Variants in EDRF1 observed in about 807,000 individuals in gnomAD.
The protein encoded by EDRF1 is erythroid differentiation regulatory factor 1, also known as erythroid differentiation-related factor 1.
EDRF1 carries 69 observed loss-of-function variants against 148.7 expected under a neutral mutation model. The ratio of observed to expected loss-of-function variants is 0.46; its 90% CI spans 0.38 to 0.57. The LOEUF (loss-of-function observed/expected upper bound fraction) is 0.57. Ranked by LOEUF, EDRF1 falls within the 20% of genes least tolerant of loss-of-function variation. EDRF1 has a pLI of 0.00. For synonymous variants in EDRF1, 515 were observed against 532.8 expected (o/e 0.97, Z 0.46); for missense variants, 1,118 against 1,478.7 (o/e 0.76, Z 4.00).
chr10:125,721,320 C>G lies in EDRF1; in HGVS notation c.225C>G (p.Leu75=), dbSNP rs1847989291. ...ARLEEKTDLK[L]PPANWLRESA... ...TTGAAGAGAAAACAGACTTGAAACT[C>G]CCACCTGCCAACTGGTTACGAGAGA... Residue 75 remains leucine (L), a synonymous_variant, in exon 2 of 25, where the codon CTC becomes CTG. Coordinates refer to ENST00000356792, the MANE Select transcript of EDRF1 (RefSeq NM_001202438.2). The G allele has an allele frequency of 1.9e-6, 3 of 1,614,186 alleles. No individual in the cohort carries two copies. The highest frequency in any genetic ancestry group is 2.2e-5 in the South Asian group (2 of 91,084).
In EDRF1 at chr10:125,733,393, G is replaced by A; in HGVS notation, c.1129-11G>A. On this transcript the variant is annotated splice_polypyrimidine_tract_variant and intron_variant, in intron 9 of 24. Coordinates refer to ENST00000356792, the MANE Select transcript of EDRF1 (RefSeq NM_001202438.2). ...CTCTTAAACTGCTTTCCATCTGTCT[G>A]TATTTTACAGAAATATGAAATGATA... 2 of 1,557,458 alleles carry A rather than the reference G, an allele frequency of 1.3e-6. No homozygotes were observed.
chr10:125,725,642 T>A (rs1848222109), intron 5 of EDRF1, 40 bp from the exon 6 acceptor site: 1 of 1,613,188 alleles, frequency 6.2e-7, no homozygotes, highest in African/African-American at 1.3e-5. Flanking sequence ...TGAAGTTAAC[T>A]TTAGTAACAG....
In EDRF1 at chr10:125,738,344, C is replaced by A. The variant is rs1848839815; in HGVS notation, c.1880C>A (p.Ala627Glu). The A allele has an allele frequency of 6.2e-7, 1 of 1,614,064 alleles. No individual in the cohort carries two copies. The highest frequency in any genetic ancestry group is 8.5e-7 in the Non-Finnish European group (1 of 1,180,006). Residue 627 changes from alanine to glutamate, a missense_variant, in exon 15 of 25, where the codon GCA becomes GAA. Physicochemically the swap from Ala to Glu is moderately radical, Grantham distance 107 (BLOSUM62 -1). Around this residue, in one of 3 missense-constraint regions of EDRF1, gnomAD observed 954 missense variants for 1,241.4 expected, o/e 0.77. Coordinates refer to ENST00000356792, the MANE Select transcript of EDRF1 (RefSeq NM_001202438.2). ...ATCAAAAAAGAAAGCGACCTTCCAG[C>A]AGCTGACCCCAGCACTCCAATCCCG... ...SSIKKESDLP[A>E]ADPSTPIPLK...
intron 2 of EDRF1, 29 bp downstream of exon 2, chr10:125,721,441 T>C (rs1255470681): frequency 1.9e-6 from 3 of 1,596,686 alleles, no homozygotes; most frequent in Non-Finnish European, 2.6e-6. Flanking sequence ...CATTTTTACC[T>C]GCCCCTCCAC....
chr10:125,761,529 A>T (rs1318580329), intron 24 of EDRF1, among the ~76,000 whole-genome samples: 1 of 152,244 alleles, frequency 6.6e-6, no homozygotes, highest in Non-Finnish European at 1.5e-5. Flanking sequence ...TGTTCCCATT[A>T]GATGTGTACA....
intron 8 of EDRF1, 136 bp downstream of exon 8, chr10:125,729,615 C>G: frequency 8.7e-7 from 1 of 1,151,392 alleles, no homozygotes; most frequent in South Asian, 1.3e-5. Context: ...GAGCAAGACT[C>G]GTCTCAAAAA....
At position 125,763,479 on chromosome 10, in the gene EDRF1, A is replaced by G. The variant is rs1321495865; in HGVS notation, c.*7A>G. On this transcript the variant is annotated 3_prime_UTR_variant, in exon 25 of 25. Coordinates refer to ENST00000356792, the MANE Select transcript of EDRF1 (RefSeq NM_001202438.2). This position sits in a 1 kb window ranked among gnomAD's most constrained non-coding sequence, Gnocchi z 4.3. Reference sequence around the variant, plus strand: ...CAGCAATGCCGTTCAGTGACTGCACAGAGCCGTGTCCCAGACACGCTGTCA... The same window carrying G: ...CAGCAATGCCGTTCAGTGACTGCACGGAGCCGTGTCCCAGACACGCTGTCA... 6.2e-7 allele frequency: 1 copy of G among 1,604,940 alleles called. No homozygotes were observed. The highest frequency in any genetic ancestry group is 2.2e-5 in the East Asian group (1 of 44,876).
At position 125,734,169 on chromosome 10, in the gene EDRF1, A is replaced by C; in HGVS notation, c.1483A>C (p.Ser495Arg). The C allele has an allele frequency of 6.2e-7, 1 of 1,608,590 alleles. No homozygotes were observed. The highest frequency in any genetic ancestry group is 1.1e-5 in the South Asian group (1 of 90,974). ...TAATTGTCTGAAATTACTGGACAAA[A>C]GTAGGCATCCTCAAGTAAGATTAAC... ...LLNCLKLLDK[S>R]RHPQIIASAN... is the part of the protein sequence containing the mutation. The change falls in exon 12 of 25, where the codon AGT becomes CGT. Residue 495 changes from serine (S) to arginine (R), a missense_variant. Ser to Arg is a moderately radical substitution (Grantham distance 110). Around this residue, in one of 3 missense-constraint regions of EDRF1, gnomAD observed 954 missense variants for 1,241.4 expected, o/e 0.77. Coordinates refer to ENST00000356792, the MANE Select transcript of EDRF1 (RefSeq NM_001202438.2).
In EDRF1 at chr10:125,749,538, G is replaced by A; in HGVS notation, c.3250G>A (p.Val1084Ile). Residue 1084 changes from valine (V) to isoleucine (I), a missense_variant, in exon 22 of 25, where the codon GTA becomes ATA. By Grantham distance (29) the Val-to-Ile change is conservative. Transcript: ENST00000356792. ...ACTGCTTAGAGTACAGCTAGAGAGA[G>A]TAGCATTTGCTGAATTTCAGATGAC... ...CELLRVQLER[V>I]AFAEFQMTSQ... The A allele has an allele frequency of 6.2e-7, 1 of 1,614,144 alleles. No individual in the cohort carries two copies. Among genetic ancestry groups the A allele is most frequent in the Non-Finnish European group, 8.5e-7 (1 of 1,180,032 alleles).
intron 3 of EDRF1, 141 bp from the exon 4 acceptor site, chr10:125,723,670 C>A: frequency 1.2e-6 from 1 of 863,552 alleles, no homozygotes; most frequent in Non-Finnish European, 1.8e-6. Context: ...TTGCATGTAG[C>A]TTTTTGTTTA....
chr10:125,743,552 T>C (rs1398084731), intron 18 of EDRF1, among the ~76,000 whole-genome samples: 1 of 152,214 alleles, frequency 6.6e-6, no homozygotes, highest in Non-Finnish European at 1.5e-5. Flanking sequence ...AGGCTCTATG[T>C]TGGATATGTA....
At chr10:125,728,875 T>G in intron 6 of EDRF1, 128 bp from the exon 7 acceptor site, 2 of 716,934 alleles carry the variant, frequency 2.8e-6, no homozygotes, top group South Asian at 4.2e-5. Flanking sequence ...TTATTTGTAT[T>G]GGCCTAATAA....
intron 22 of EDRF1, 156 bp downstream of exon 22, chr10:125,749,721 A>G (rs1412624872): frequency 8.3e-6 from 7 of 847,740 alleles, no homozygotes; most frequent in African/African-American, 3.4e-5. Flanking sequence ...AAATCACTAC[A>G]TGTTTTGAAG....
chr10:125,753,570 T>C (rs1224417822), intron 23 of EDRF1, 124 bp from the exon 24 acceptor site: 2 of 1,077,854 alleles, frequency 1.9e-6, no homozygotes, highest in African/African-American at 1.6e-5. Flanking sequence ...GTGCTTTTTG[T>C]TTGTTTGTCT....
Position 125,763,459 on chromosome 10 carries a change from A to C in EDRF1, c.3704A>C (p.Asn1235Thr). The change falls in exon 25 of 25, where the codon AAT (asparagine) becomes ACT (threonine). Residue 1235 changes from asparagine (N) to threonine (T), a missense_variant. Around this residue, in one of 3 missense-constraint regions of EDRF1, gnomAD observed 954 missense variants for 1,241.4 expected, o/e 0.77. Coordinates refer to ENST00000356792, the MANE Select transcript of EDRF1 (RefSeq NM_001202438.2). The surrounding 1 kb of genome is among the most constrained non-coding windows in gnomAD (Gnocchi z 4.3). ...GCCGCCGGCAGTGCAGCGAGCAGCA[A>C]TGCCGTTCAGTGACTGCACAGAGCC... ...QLAAGSAASS[N>T]AVQ The C allele has an allele frequency of 6.2e-7, 1 of 1,607,646 alleles. No individual in the cohort carries two copies. Among genetic ancestry groups the C allele is most frequent in the South Asian group, 1.1e-5 (1 of 91,086 alleles).
intron 3 of EDRF1, among the ~76,000 whole-genome samples, chr10:125,723,595 C>T (rs761271509): frequency 1.3e-4 from 20 of 152,220 alleles, no homozygotes; most frequent in Middle Eastern, 3.4e-3. Flanking sequence ...GTTTGACTGT[C>T]ACTAACATAA....
chr10:125,738,307 G>A lies in EDRF1; in HGVS notation c.1843G>A (p.Val615Ile). 6.2e-7 allele frequency: 1 copy of A among 1,614,028 alleles called. No homozygotes were observed. Reference protein sequence around the residue: ...LSYVLEGLKSVDSSIKKESDL... With the variant: ...LSYVLEGLKSIDSSIKKESDL... Reference sequence around the variant, plus strand: ...CCTTTTTTTGCAGGGTTTAAAATCTGTCGATAGCAGCATCAAAAAAGAAAG... The same window carrying A: ...CCTTTTTTTGCAGGGTTTAAAATCTATCGATAGCAGCATCAAAAAAGAAAG... The change falls in exon 15 of 25, where the codon GTC (valine) becomes ATC (isoleucine). Residue 615 changes from valine to isoleucine, a missense_variant. Val to Ile is a conservative substitution (Grantham distance 29). This residue lies in a region of EDRF1 where 954 missense variants were observed against 1,241.4 expected (regional missense o/e 0.77). Coordinates refer to ENST00000356792, the MANE Select transcript of EDRF1 (RefSeq NM_001202438.2).
At chr10:125,745,398 A>G (rs1849296825) in intron 18 of EDRF1, 2 of 386,454 alleles carry the variant, frequency 5.2e-6, no homozygotes, top group South Asian at 5.2e-5. Flanking sequence ...AAAGGACACC[A>G]GTCATACTGG....
At chr10:125,754,527 G>A (rs1264596033) in intron 24 of EDRF1, among the ~76,000 whole-genome samples, 1 of 152,218 alleles carries the variant, frequency 6.6e-6, no homozygotes. Flanking sequence ...TCAGGGCCAA[G>A]TGCACTGCAG....
Sources: gnomAD v4.1 joint callset for allele counts (sites outside exome capture counted in the v4.1 genomes callset) on GRCh38, gnomAD v4.1.1 for gene constraint, gnomAD v4.1.1 regional missense constraint, Gnocchi (gnomAD v3.1) non-coding constraint, MANE v1.5 for transcripts, NCBI Gene and HGNC (gene_info 2026-07-23, HGNC 2026-07-21) for gene names.